CNTNAP3B: variants seen among roughly 807,000 people sequenced by gnomAD.
The protein encoded by CNTNAP3B is contactin associated protein family member 3B.
A neutral mutation model predicts 108.9 loss-of-function variants in CNTNAP3B; 25 were observed. That is an observed-to-expected ratio of 0.23 (90% CI 0.17 to 0.32). The LOEUF (loss-of-function observed/expected upper bound fraction) is 0.32, where lower values mean the gene tolerates loss of function less well. CNTNAP3B is among the 10% of genes least tolerant of loss of function. CNTNAP3B has a pLI of 1.00. For synonymous variants in CNTNAP3B, 103 were observed against 473.4 expected, an observed-to-expected ratio of 0.22 and a Z score of 10.16; for missense variants, 252 against 1,210.4, an observed-to-expected ratio of 0.21 and a Z score of 11.75.
Position 42,075,378 on chromosome 9 carries a change from T to C in CNTNAP3B, c.390+1491A>G, listed in dbSNP as rs543386566. On this transcript the variant is annotated intron_variant, in intron 3 of 23. Coordinates refer to ENST00000377561, the MANE Select transcript of CNTNAP3B (RefSeq NM_001201380.3). Reference sequence around the variant, plus strand: ...GGATGAAAGGCAGGCACAGTGACTTTGAAAGGAAGCTCACACTGTGAGCGG... The same window carrying C: ...GGATGAAAGGCAGGCACAGTGACTTCGAAAGGAAGCTCACACTGTGAGCGG... Among the ~76,000 whole-genome samples, 9 of 140,714 alleles carry C rather than the reference T, an allele frequency of 6.4e-5. 1 individual carries two copies. The highest frequency in any genetic ancestry group is 5.6e-4 in the Admixed American group (8 of 14,244). 92.3% of individuals were successfully genotyped at this position (140,714 alleles called of 152,430 possible).
chr9:42,033,956 G>A (rs1429552486), intron 3 of CNTNAP3B, among the ~76,000 whole-genome samples: 1 of 90,252 alleles, frequency 1.1e-5, no homozygotes, highest in Non-Finnish European at 2.3e-5. Flanking sequence ...TTAATGAAAT[G>A]CCAAAGAACT....
intron 10 of CNTNAP3B, among the ~76,000 whole-genome samples, chr9:41,965,226 T>A (rs866103980): frequency 7.7e-3 from 1,162 of 151,762 alleles, no homozygotes; most frequent in African/African-American, 0.027. Flanking sequence ...ACAATTCTTA[T>A]TAAAATCTCA....
At chr9:41,939,614 T>A (rs1285641889) in intron 13 of CNTNAP3B, among the ~76,000 whole-genome samples, 4 of 152,288 alleles carry the variant, frequency 2.6e-5, no homozygotes. Context: ...AAGATATTTT[T>A]AAAAATTAAT....
chr9:41,925,410 G>A (rs1326440746), intron 15 of CNTNAP3B, among the ~76,000 whole-genome samples: 5 of 152,132 alleles, frequency 3.3e-5, no homozygotes, highest in East Asian at 1.9e-4. Context: ...TGGCTAACAC[G>A]GTGAAACCCC....
At chr9:41,966,658 A>G (rs1419651458) in intron 10 of CNTNAP3B, among the ~76,000 whole-genome samples, 1 of 152,294 alleles carries the variant, frequency 6.6e-6, no homozygotes, top group Non-Finnish European at 1.5e-5. Context: ...CTGATGTAAG[A>G]GGTGATTAAG....
In CNTNAP3B at chr9:42,129,135, C is replaced by A. The variant is rs538966436; in HGVS notation, c.-41G>T. On this transcript the variant is annotated 5_prime_UTR_variant, in exon 1 of 24. Coordinates refer to ENST00000377561, the MANE Select transcript of CNTNAP3B (RefSeq NM_001201380.3). ...GCGCCCTGAGACCCGGGCACGGCGA[C>A]GGCCGCTCTGCGTCGTTCCTGCTCT... 1.1e-5 allele frequency: 17 copies of A among 1,527,492 alleles called. 1 individual carries two copies. Among genetic ancestry groups the A allele is most frequent in the Non-Finnish European group, 1.5e-5 (17 of 1,131,864 alleles). 94.6% of individuals were successfully genotyped at this position (1,527,492 alleles called of 1,614,324 possible). A position where few individuals can be genotyped will look rare whatever the true frequency, so the allele number is the denominator to read the frequency against.
rs570596181 is a variant in CNTNAP3B at position 42,125,531 on chromosome 9, T to C, written c.85+3479A>G. ...AAGGAAGAGGAAGAAGAATGCCAAG[T>C]AATTTGATTTTTCTTTTTTCATGAT... On this transcript the variant is annotated intron_variant, in intron 1 of 23. Transcript: ENST00000377561. 7.8e-5 allele frequency among the ~76,000 whole-genome samples: 11 copies of C among 140,508 alleles called. 2 individuals are homozygous for C. Among genetic ancestry groups the C allele is most frequent in the African/African-American group, 3.1e-4 (11 of 35,708 alleles). 92.2% of individuals were successfully genotyped at this position (140,508 alleles called of 152,430 possible). A position where few individuals can be genotyped will look rare whatever the true frequency, so the allele number is the denominator to read the frequency against.
At position 42,063,187 on chromosome 9, in the gene CNTNAP3B, C is replaced by G. The variant is rs559955563; in HGVS notation, c.390+13682G>C. On this transcript the variant is annotated intron_variant, in intron 3 of 23. Coordinates refer to ENST00000377561, the MANE Select transcript of CNTNAP3B (RefSeq NM_001201380.3). The stretch of plus-strand genomic sequence containing the variant: ...TAATTAACATCCTTTTCTTTCAGCC[C>G]GAAGAACTTCCTTTAGCATTTCTTG... Among the ~76,000 whole-genome samples, 793 of 129,840 alleles carry G rather than the reference C, an allele frequency of 6.1e-3. 183 individuals are homozygous for G. Among genetic ancestry groups the G allele is most frequent in the African/African-American group, 0.024 (771 of 32,140 alleles). 85.2% of individuals were successfully genotyped at this position (129,840 alleles called of 152,430 possible).
At chr9:41,925,367 A>G (rs1268421082) in intron 15 of CNTNAP3B, among the ~76,000 whole-genome samples, 10 of 152,178 alleles carry the variant, frequency 6.6e-5, no homozygotes, top group Non-Finnish European at 1.2e-4. Context: ...GCCAAGGCGG[A>G]CGGATCATGA....
intron 11 of CNTNAP3B, among the ~76,000 whole-genome samples, chr9:41,963,433 T>TA (rs1360221438): frequency 2.0e-5 from 3 of 150,300 alleles, no homozygotes; most frequent in Admixed American, 2.0e-4. Flanking sequence ...TATAACAGGT[T>TA]AGAGTTCAAT....
At chr9:41,918,735 G>A (rs1487726594) in intron 18 of CNTNAP3B, among the ~76,000 whole-genome samples, 1 of 145,190 alleles carries the variant, frequency 6.9e-6, no homozygotes, top group Non-Finnish European at 1.5e-5. Flanking sequence ...ATGTGGATTG[G>A]GAATGATTTA....
intron 7 of CNTNAP3B, among the ~76,000 whole-genome samples, chr9:41,995,603 C>T (rs1169179165): frequency 7.7e-6 from 1 of 129,064 alleles, no homozygotes; most frequent in Admixed American, 7.7e-5. Context: ...TGCTGGTGGG[C>T]ACCTGTAGTC....
intron 18 of CNTNAP3B, among the ~76,000 whole-genome samples, chr9:41,917,998 T>G (rs1241045918): frequency 2.6e-5 from 4 of 152,294 alleles, no homozygotes; most frequent in African/African-American, 9.6e-5. Context: ...CTTCATTTGA[T>G]GTATTTCCTT....
chr9:41,925,390 C>G (rs879163155), intron 15 of CNTNAP3B, among the ~76,000 whole-genome samples: 13,360 of 140,556 alleles, frequency 0.095, 67 homozygotes, highest in South Asian at 0.16. Flanking sequence ...TCAGGAGATC[C>G]AGACCATCCT....
chr9:41,948,015 T>C (rs1178959618), intron 13 of CNTNAP3B, among the ~76,000 whole-genome samples: 2 of 103,422 alleles, frequency 1.9e-5, no homozygotes, highest in Non-Finnish European at 4.0e-5. Flanking sequence ...GAAAATTGAA[T>C]TCATAATTTA....
chr9:41,928,425 C>A (rs1823879167), intron 15 of CNTNAP3B, among the ~76,000 whole-genome samples: 1 of 151,974 alleles, frequency 6.6e-6, no homozygotes, highest in Admixed American at 6.5e-5. Flanking sequence ...AGGAGACAAG[C>A]CGGTCCCCGC....
intron 13 of CNTNAP3B, among the ~76,000 whole-genome samples, chr9:41,944,598 C>CA (rs1422901912): frequency 2.0e-5 from 3 of 151,860 alleles, no homozygotes; most frequent in African/African-American, 7.3e-5. Flanking sequence ...TCAATTAAAA[C>CA]AAAAAATGTG....
chr9:42,120,162 A>G (rs1271010081), intron 1 of CNTNAP3B, among the ~76,000 whole-genome samples: 1 of 148,046 alleles, frequency 6.8e-6, no homozygotes, highest in Non-Finnish European at 1.5e-5. Flanking sequence ...AAAAGTGAGC[A>G]AAGGATATGA....
At chr9:41,969,104 A>G (rs1290382910) in intron 10 of CNTNAP3B, among the ~76,000 whole-genome samples, 3 of 152,406 alleles carry the variant, frequency 2.0e-5, no homozygotes, top group African/African-American at 4.8e-5. Context: ...CCAGATTATC[A>G]CTTTTCAATT....
Sources: gnomAD v4.1 joint callset for allele counts (sites outside exome capture counted in the v4.1 genomes callset) on GRCh38, gnomAD v4.1.1 for gene constraint, MANE v1.5 for transcripts, NCBI Gene and HGNC (gene_info 2026-07-23, HGNC 2026-07-21) for gene names.